PHACTR3: variants seen among roughly 807,000 people sequenced by gnomAD.
PHACTR3 encodes phosphatase and actin regulator 3, also known as protein phosphatase 1, regulatory subunit 123.
Under a neutral mutation model 66.8 loss-of-function variants are expected in PHACTR3, and 16 were observed. The observed-to-expected ratio is 0.24, with a 90% confidence interval of 0.16 to 0.36. The LOEUF is 0.36. PHACTR3 is among the 10% of genes least tolerant of loss of function. The pLI, the probability that PHACTR3 is intolerant of heterozygous loss-of-function variation, is 1.00. For missense variants in PHACTR3, 647 were observed against 719.9 expected (o/e 0.90, Z 1.16); for synonymous variants, 323 against 292.1 (o/e 1.11, Z -1.08).
intron 7 of PHACTR3, among the ~76,000 whole-genome samples, chr20:59,797,664 G>C (rs1404288992): frequency 2.0e-5 from 3 of 152,170 alleles, no homozygotes; most frequent in Non-Finnish European, 4.4e-5. Context: ...GGCAATAGTG[G>C]TAGCAAGCTA....
chr20:59,841,047 T>A (rs896031138), intron 10 of PHACTR3, among the ~76,000 whole-genome samples: 1 of 152,220 alleles, frequency 6.6e-6, no homozygotes, highest in East Asian at 1.9e-4. Context: ...GCTGGACATA[T>A]AATAACTTTA....
chr20:59,767,665 A>C (rs2040226073), intron 5 of PHACTR3, among the ~76,000 whole-genome samples: 1 of 152,202 alleles, frequency 6.6e-6, no homozygotes, highest in Non-Finnish European at 1.5e-5. Flanking sequence ...AGGCTCCCTC[A>C]AGCAAACAGG....
chr20:59,592,963 G>C (rs1046008542), intron 1 of PHACTR3, among the ~76,000 whole-genome samples: 1 of 152,186 alleles, frequency 6.6e-6, no homozygotes, highest in Non-Finnish European at 1.5e-5. Flanking sequence ...AAGAATCCAT[G>C]TACAGGTTTT....
chr20:59,780,108 C>T (rs1312927749), intron 7 of PHACTR3, among the ~76,000 whole-genome samples: 3 of 152,166 alleles, frequency 2.0e-5, no homozygotes, highest in Non-Finnish European at 4.4e-5. Flanking sequence ...TATGGGAATC[C>T]GGGCTGCAAG....
chr20:59,702,820 T>C (rs557587367), intron 1 of PHACTR3, among the ~76,000 whole-genome samples: 2 of 152,302 alleles, frequency 1.3e-5, no homozygotes, highest in Non-Finnish European at 2.9e-5. Flanking sequence ...GAAAAGCACA[T>C]CTCCAATGAT....
intron 1 of PHACTR3, among the ~76,000 whole-genome samples, chr20:59,651,849 GTA>G (rs2035469287): frequency 7.2e-6 from 1 of 138,622 alleles, no homozygotes; most frequent in South Asian, 2.6e-4. Flanking sequence ...AGGTAGGTAG[GTA>G]GGTAGGTAGG....
chr20:59,800,181 GTTTTC>G (rs2041371021), intron 7 of PHACTR3, among the ~76,000 whole-genome samples: 1 of 152,038 alleles, frequency 6.6e-6, no homozygotes, highest in African/African-American at 2.4e-5. Flanking sequence ...ATCAAAGTCA[GTTTTC>G]TTTTAAAGAT....
intron 1 of PHACTR3, among the ~76,000 whole-genome samples, chr20:59,707,791 G>A (rs1383166576): frequency 4.6e-5 from 7 of 152,180 alleles, no homozygotes; most frequent in African/African-American, 1.2e-4. Flanking sequence ...GCCATCGAAC[G>A]TGCCTGCTAC....
intron 1 of PHACTR3, among the ~76,000 whole-genome samples, chr20:59,588,069 G>T (rs1378749922): frequency 1.3e-5 from 2 of 152,166 alleles, no homozygotes; most frequent in African/African-American, 4.8e-5. Context: ...GGTCACCGGG[G>T]GTCGGGAGTC....
intron 1 of PHACTR3, among the ~76,000 whole-genome samples, chr20:59,731,450 C>T (rs764846743): frequency 6.6e-6 from 1 of 152,186 alleles, no homozygotes; most frequent in Non-Finnish European, 1.5e-5. Context: ...CCAGATTCCA[C>T]CTTTCTCCTT....
chr20:59,806,982 C>G (rs550656679), intron 8 of PHACTR3, among the ~76,000 whole-genome samples: 1 of 152,326 alleles, frequency 6.6e-6, no homozygotes, highest in South Asian at 2.1e-4. Flanking sequence ...AGAGCACTTA[C>G]CATGAATGGA....
intron 1 of PHACTR3, among the ~76,000 whole-genome samples, chr20:59,717,879 A>G (rs2038152357): frequency 6.6e-6 from 1 of 152,226 alleles, no homozygotes; most frequent in Non-Finnish European, 1.5e-5. Context: ...TTTATCATCC[A>G]GTCTTTCAGT....
intron 1 of PHACTR3, among the ~76,000 whole-genome samples, chr20:59,734,371 C>T (rs1431940659): frequency 6.6e-6 from 1 of 152,138 alleles, no homozygotes; most frequent in African/African-American, 2.4e-5. Flanking sequence ...CCTGCCTCAG[C>T]CTCCTGAGTT....
At chr20:59,823,090 A>G (rs2042095344) in intron 8 of PHACTR3, among the ~76,000 whole-genome samples, 1 of 152,190 alleles carries the variant, frequency 6.6e-6, no homozygotes, top group Admixed American at 6.5e-5. Context: ...ATGGACCCCA[A>G]AGGATCTTAG....
At chr20:59,688,163 C>A (rs6128662) in intron 1 of PHACTR3, among the ~76,000 whole-genome samples, 26,935 of 152,138 alleles carry the variant, frequency 0.18, 2,900 homozygotes, top group East Asian at 0.6. Flanking sequence ...TGTAAAGTTT[C>A]TTTAATAGAT....
intron 7 of PHACTR3, among the ~76,000 whole-genome samples, chr20:59,799,750 A>G (rs1369684071): frequency 6.6e-6 from 1 of 152,120 alleles, no homozygotes; most frequent in Admixed American, 6.5e-5. Flanking sequence ...GTTTTAATCC[A>G]TTCTGAAAAT....
Position 59,738,232 on chromosome 20 carries a change from C to A in PHACTR3, c.119-4875C>A, listed in dbSNP as rs187868871. On this transcript the variant is annotated intron_variant, in intron 1 of 12. Transcript: ENST00000371015. The surrounding 1 kb of genome is among the most constrained non-coding windows in gnomAD (Gnocchi z 4.4). The stretch of plus-strand genomic sequence containing the variant: ...GTAAGTGGCAGGGCCAGGAGGGGAG[C>A]CTGGGGTGCCTGGTCCCAGCCCCCA... Among the ~76,000 whole-genome samples, 3 of 152,174 alleles carry A rather than the reference C, an allele frequency of 2.0e-5. No individual in the cohort carries two copies. Among genetic ancestry groups the A allele is most frequent in the Admixed American group, 6.5e-5 (1 of 15,296 alleles).
intron 1 of PHACTR3, among the ~76,000 whole-genome samples, chr20:59,668,727 GTTTC>G (rs1202936551): frequency 1.3e-5 from 2 of 152,182 alleles, no homozygotes; most frequent in Middle Eastern, 3.4e-3. Flanking sequence ...ATGAGCCAGA[GTTTC>G]TTTCTTGTTG....
chr20:59,719,811 G>A (rs910545057), intron 1 of PHACTR3, among the ~76,000 whole-genome samples: 3 of 152,150 alleles, frequency 2.0e-5, no homozygotes, highest in Non-Finnish European at 4.4e-5. Flanking sequence ...TTGTTGCCCC[G>A]TTTTACAAAT....
Sources: allele counts gnomAD v4.1 joint callset (sites outside exome capture counted in the v4.1 genomes callset), GRCh38; gene constraint gnomAD v4.1.1; non-coding constraint Gnocchi (gnomAD v3.1); transcripts MANE v1.5; gene names NCBI Gene and HGNC (gene_info 2026-07-23, HGNC 2026-07-21).